The following NOL4 variants were observed in gnomAD, a reference collection of about 807,000 sequenced individuals.
NOL4 encodes cancer/testis antigen 125.
A neutral mutation model predicts 75.9 loss-of-function variants in NOL4; 17 were observed. The ratio of observed to expected loss-of-function variants is 0.22; its 90% CI spans 0.15 to 0.34. The LOEUF is 0.34. NOL4 is among the 10% of genes least tolerant of loss of function. The pLI is 1.00. For synonymous variants in NOL4, 292 were observed against 289.9 expected (o/e 1.01, Z -0.07); for missense variants, 614 against 793.5 (o/e 0.77, Z 2.72).
intron 1 of NOL4, among the ~76,000 whole-genome samples, chr18:34,160,604 A>G (rs962784111): frequency 6.6e-6 from 1 of 152,180 alleles, no homozygotes; most frequent in Non-Finnish European, 1.5e-5. Flanking sequence ...TATTTTGTTG[A>G]AGAAAGTTTT....
intron 9 of NOL4, among the ~76,000 whole-genome samples, chr18:33,895,363 A>C (rs992778003): frequency 2.6e-5 from 4 of 152,110 alleles, no homozygotes; most frequent in Non-Finnish European, 5.9e-5. Flanking sequence ...TTTAAATTAC[A>C]GGTTTAAATG....
intron 2 of NOL4, among the ~76,000 whole-genome samples, chr18:34,110,534 C>T (rs1353537342): frequency 6.6e-6 from 1 of 152,054 alleles, no homozygotes; most frequent in Non-Finnish European, 1.5e-5. Context: ...AAATGTACCT[C>T]AATATAATAA....
chr18:34,216,634 T>C (rs114936034), intron 1 of NOL4, among the ~76,000 whole-genome samples: 6,520 of 145,476 alleles, frequency 0.045, 458 homozygotes, highest in African/African-American at 0.15. Flanking sequence ...TAAATTATAA[T>C]ATATAATAAG....
At chr18:34,024,194 A>AAAATATATATATATATATATATATAT in intron 5 of NOL4, among the ~76,000 whole-genome samples, 16 of 70,670 alleles carry the variant, frequency 2.3e-4, no homozygotes, top group African/African-American at 5.3e-4. Flanking sequence ...AAAAAAAAAA[A>AAAATATATATATATATATATATATAT]ATATATATAT....
At position 33,996,531 on chromosome 18, in the gene NOL4, T is replaced by C. The variant is rs180827969; in HGVS notation, c.1056+22787A>G. 7.2e-5 allele frequency among the ~76,000 whole-genome samples: 11 copies of C among 151,958 alleles called. No individual in the cohort carries two copies. The East Asian group carries it at 2.1e-3, about 30-fold the overall frequency. ...ATGAATGAATCCATCACCAAGGTAGTGAGCATAGTATCCAATAGGTAGCAC... is the reference window on the plus strand; with the variant it reads ...ATGAATGAATCCATCACCAAGGTAGCGAGCATAGTATCCAATAGGTAGCAC... On this transcript the variant is annotated intron_variant, in intron 6 of 10. Coordinates refer to ENST00000261592, the MANE Select transcript of NOL4 (RefSeq NM_003787.5).
At chr18:33,937,291 T>C (rs1173785600) in intron 9 of NOL4, among the ~76,000 whole-genome samples, 4 of 152,104 alleles carry the variant, frequency 2.6e-5, no homozygotes, top group Non-Finnish European at 2.9e-5. Context: ...AAAATGGACA[T>C]ATGGAATAAA....
chr18:34,205,312 T>C (rs189461995), intron 1 of NOL4, among the ~76,000 whole-genome samples: 69 of 152,202 alleles, frequency 4.5e-4, no homozygotes, highest in Non-Finnish European at 7.6e-4. Flanking sequence ...GAAAAGAAAA[T>C]GTAGCCTAGA....
chr18:33,859,725 C>A lies in NOL4; in HGVS notation c.1724-6690G>T, dbSNP rs116532459. Among the ~76,000 whole-genome samples the A allele has an allele frequency of 7.8e-3, 1,182 of 152,124 alleles. 10 individuals carry two copies. Among genetic ancestry groups the A allele is most frequent in the African/African-American group, 0.027 (1,128 of 41,504 alleles). ...CTTGTGGTCAGGTGTACAAGACCAGCCTGACCAACATGGTGAAACCTAGTC... is the reference window on the plus strand; with the variant it reads ...CTTGTGGTCAGGTGTACAAGACCAGACTGACCAACATGGTGAAACCTAGTC... On this transcript the variant is annotated intron_variant, in intron 10 of 10. Coordinates refer to ENST00000261592, the MANE Select transcript of NOL4 (RefSeq NM_003787.5).
chr18:33,894,602 C>G (rs2065288395), intron 9 of NOL4, among the ~76,000 whole-genome samples: 1 of 152,088 alleles, frequency 6.6e-6, no homozygotes, highest in Non-Finnish European at 1.5e-5. Context: ...ACTTGAGAAG[C>G]CAAAGTCACC....
intron 1 of NOL4, among the ~76,000 whole-genome samples, chr18:34,171,991 T>A (rs550667933): frequency 1.1e-4 from 17 of 152,160 alleles, no homozygotes; most frequent in Admixed American, 3.9e-4. Flanking sequence ...GCCTTGCCTG[T>A]ACAAAAGAAT....
At chr18:34,213,079 C>A (rs1216296970) in intron 1 of NOL4, among the ~76,000 whole-genome samples, 1 of 152,140 alleles carries the variant, frequency 6.6e-6, no homozygotes. Context: ...TGGGGGCCAT[C>A]TGAGACTCAT....
intron 1 of NOL4, among the ~76,000 whole-genome samples, chr18:34,183,355 T>C (rs2034198009): frequency 6.6e-6 from 1 of 151,844 alleles, no homozygotes; most frequent in Non-Finnish European, 1.5e-5. Flanking sequence ...CACTATACAC[T>C]ATTATAATGG....
intron 1 of NOL4, among the ~76,000 whole-genome samples, chr18:34,176,208 G>A (rs2033532597): frequency 1.3e-5 from 2 of 152,028 alleles, no homozygotes; most frequent in South Asian, 4.1e-4. Context: ...ATTTACTAGA[G>A]TATCTTAGTA....
chr18:33,897,453 T>C (rs2065478639), intron 9 of NOL4, among the ~76,000 whole-genome samples: 1 of 152,172 alleles, frequency 6.6e-6, no homozygotes, highest in African/African-American at 2.4e-5. Context: ...AATGAGATCA[T>C]GTCTTTTGTG....
intron 1 of NOL4, chr18:34,158,746 G>A (rs1219359156): frequency 2.6e-5 from 4 of 152,114 alleles, no homozygotes; most frequent in Non-Finnish European, 5.9e-5. Context: ...CAAGAAACAC[G>A]CTACTTTTAA....
chr18:34,199,539 A>C (rs1325096326), intron 1 of NOL4, among the ~76,000 whole-genome samples: 1 of 151,926 alleles, frequency 6.6e-6, no homozygotes, highest in Non-Finnish European at 1.5e-5. Context: ...ACAGCATCAA[A>C]TGTAGTTTTT....
intron 6 of NOL4, among the ~76,000 whole-genome samples, chr18:34,002,414 C>A (rs2073777978): frequency 6.6e-6 from 1 of 152,102 alleles, no homozygotes; most frequent in Non-Finnish European, 1.5e-5. Flanking sequence ...AGCTCCTACG[C>A]ATTCTTTAGT....
chr18:34,112,093 G>T (rs1051547205), intron 2 of NOL4, among the ~76,000 whole-genome samples: 21 of 152,072 alleles, frequency 1.4e-4, no homozygotes, highest in African/African-American at 4.6e-4. Flanking sequence ...ACTAGGCCAG[G>T]TACGGTGGCC....
intron 5 of NOL4, among the ~76,000 whole-genome samples, chr18:34,061,928 GAACT>G (rs2077078979): frequency 6.6e-6 from 1 of 151,960 alleles, no homozygotes; most frequent in African/African-American, 2.4e-5. Context: ...ATGTTATCAG[GAACT>G]ACCTCTTTCT....
Sources: allele counts gnomAD v4.1 joint callset (sites outside exome capture counted in the v4.1 genomes callset), GRCh38; gene constraint gnomAD v4.1.1; transcripts MANE v1.5; gene names NCBI Gene and HGNC (gene_info 2026-07-23, HGNC 2026-07-21).